Variants in ST18 observed in about 807,000 individuals in gnomAD.
ST18 encodes the protein ST18 C2H2C-type zinc finger transcription factor, also known as suppression of tumorigenicity 18 protein.
Under a neutral mutation model 110.0 loss-of-function variants are expected in ST18, and 50 were observed. The ratio of observed to expected loss-of-function variants is 0.45; its 90% CI spans 0.36 to 0.58. ST18 has a LOEUF of 0.58. ST18 is among the 20% of genes least tolerant of loss of function. The pLI, the probability that ST18 is intolerant of heterozygous loss-of-function variation, is 0.00. For missense variants in ST18, 1,306 were observed against 1,280.1 expected, an observed-to-expected ratio of 1.02 and a Z score of -0.31; for synonymous variants, 461 against 452.4, an observed-to-expected ratio of 1.02 and a Z score of -0.24.
chr8:52,387,647 T>A (rs1837358673), intron 2 of ST18, among the ~76,000 whole-genome samples: 1 of 152,128 alleles, frequency 6.6e-6, no homozygotes, highest in South Asian at 2.1e-4. Context: ...TACAAAATGC[T>A]GACTTTCCTC....
chr8:52,259,593 TGATAAC>T (rs1185803333), intron 2 of ST18, among the ~76,000 whole-genome samples: 1 of 152,222 alleles, frequency 6.6e-6, no homozygotes, highest in African/African-American at 2.4e-5. Context: ...ATGATGATGA[TGATAAC>T]GATTATATTA....
intron 8 of ST18, among the ~76,000 whole-genome samples, chr8:52,196,770 G>A (rs2076318413): frequency 6.6e-6 from 1 of 152,140 alleles, no homozygotes; most frequent in African/African-American, 2.4e-5. Context: ...GAGGTTTCAG[G>A]CAGCCACTGG....
At chr8:52,216,500 C>T (rs1481348854) in intron 6 of ST18, among the ~76,000 whole-genome samples, 2 of 152,056 alleles carry the variant, frequency 1.3e-5, no homozygotes, top group Admixed American at 6.6e-5. Flanking sequence ...GGATCAAGGC[C>T]ATAATATAAA....
chr8:52,344,552 C>G (rs907164643), intron 2 of ST18, among the ~76,000 whole-genome samples: 1 of 152,064 alleles, frequency 6.6e-6, no homozygotes, highest in Non-Finnish European at 1.5e-5. Context: ...GGGGGCCCAC[C>G]ACCTCGCTCC....
chr8:52,375,439 C>G (rs1409728967), intron 2 of ST18, among the ~76,000 whole-genome samples: 1 of 147,430 alleles, frequency 6.8e-6, no homozygotes, highest in Non-Finnish European at 1.5e-5. Flanking sequence ...TTTTACTGAA[C>G]CAAGAAGCAG....
At chr8:52,210,960 G>A (rs2081966698) in intron 8 of ST18, among the ~76,000 whole-genome samples, 1 of 152,144 alleles carries the variant, frequency 6.6e-6, no homozygotes, top group African/African-American at 2.4e-5. Context: ...AAGTGTATTA[G>A]ACACTGTTAC....
chr8:52,315,548 C>A (rs1039076814), intron 2 of ST18, among the ~76,000 whole-genome samples: 9 of 152,212 alleles, frequency 5.9e-5, no homozygotes, highest in African/African-American at 2.2e-4. Flanking sequence ...CTTCTGTATT[C>A]TCTTTAATTT....
chr8:52,333,670 A>G (rs1224031608), intron 2 of ST18, among the ~76,000 whole-genome samples: 1 of 152,230 alleles, frequency 6.6e-6, no homozygotes, highest in Non-Finnish European at 1.5e-5. Flanking sequence ...GAAAAAGAGG[A>G]ACATACTTTT....
At chr8:52,237,868 T>C (rs75420355) in intron 2 of ST18, among the ~76,000 whole-genome samples, 4,478 of 152,128 alleles carry the variant, frequency 0.029, 124 homozygotes, top group East Asian at 0.079. Flanking sequence ...TACAGCTCAA[T>C]AATAAAAAGA....
chr8:52,389,511 A>G (rs1328663286), intron 2 of ST18, among the ~76,000 whole-genome samples: 2 of 152,144 alleles, frequency 1.3e-5, no homozygotes, highest in African/African-American at 4.8e-5. Flanking sequence ...TCCTCCCTAA[A>G]GGCTTAAGCA....
At chr8:52,181,084 C>G (rs962081992) in intron 8 of ST18, among the ~76,000 whole-genome samples, 1 of 152,182 alleles carries the variant, frequency 6.6e-6, no homozygotes, top group African/African-American at 2.4e-5. Flanking sequence ...AGAATTAATG[C>G]AGATCACTCT....
At chr8:52,283,770 C>T (rs1185052260) in intron 2 of ST18, among the ~76,000 whole-genome samples, 1 of 152,100 alleles carries the variant, frequency 6.6e-6, no homozygotes, top group African/African-American at 2.4e-5. Context: ...ACGTCACATC[C>T]CTGGGAGGTG....
At chr8:52,129,618 C>T (rs2048423188) in intron 22 of ST18, among the ~76,000 whole-genome samples, 1 of 152,076 alleles carries the variant, frequency 6.6e-6, no homozygotes, top group African/African-American at 2.4e-5. Flanking sequence ...GAGTATTCCA[C>T]CTTAAAGAGG....
intron 2 of ST18, among the ~76,000 whole-genome samples, chr8:52,332,529 G>C (rs913373608): frequency 9.6e-6 from 1 of 104,034 alleles, no homozygotes; most frequent in Non-Finnish European, 1.8e-5. Flanking sequence ...ATCTAATGTA[G>C]CTTTTTTTTT....
At chr8:52,139,680 G>A (rs5026058) in intron 17 of ST18, among the ~76,000 whole-genome samples, 3 of 149,686 alleles carry the variant, frequency 2.0e-5, no homozygotes, top group South Asian at 2.1e-4. Flanking sequence ...AAATTACTCC[G>A]ATTAATATTG....
chr8:52,237,927 G>A (rs1469001935), intron 2 of ST18, among the ~76,000 whole-genome samples: 1 of 152,110 alleles, frequency 6.6e-6, no homozygotes, highest in Non-Finnish European at 1.5e-5. Flanking sequence ...TTTCTACAAA[G>A]AAGTTATACA....
At chr8:52,254,135 C>T (rs538078402) in intron 2 of ST18, 8 of 152,128 alleles carry the variant, frequency 5.3e-5, no homozygotes, top group African/African-American at 1.9e-4. Context: ...CATCCACCCC[C>T]CCTCCAAAAA....
At chr8:52,137,109 G>A (rs572415152) in intron 18 of ST18, among the ~76,000 whole-genome samples, 13 of 152,164 alleles carry the variant, frequency 8.5e-5, no homozygotes, top group African/African-American at 2.7e-4. Context: ...ACTTTTCCTC[G>A]GGCAAATGGT....
chr8:52,382,988 CCTTT>C (rs1271505798), intron 2 of ST18, among the ~76,000 whole-genome samples: 2 of 152,104 alleles, frequency 1.3e-5, no homozygotes, highest in East Asian at 3.9e-4. Context: ...TTCCAGTAAA[CCTTT>C]CTATCGTAAA....
Sources: gnomAD v4.1 joint callset for allele counts (sites outside exome capture counted in the v4.1 genomes callset) on GRCh38, gnomAD v4.1.1 for gene constraint, MANE v1.5 for transcripts, NCBI Gene and HGNC (gene_info 2026-07-23, HGNC 2026-07-21) for gene names.